The following RYR3 variants were observed in gnomAD, a reference collection of about 807,000 sequenced individuals.
The protein encoded by RYR3 is brain ryanodine receptor-calcium release channel.
Under a neutral mutation model 584.3 loss-of-function variants are expected in RYR3, and 207 were observed. The ratio of observed to expected loss-of-function variants is 0.35; its 90% CI spans 0.32 to 0.40. The LOEUF is 0.40. Among genes scored for constraint, RYR3 ranks in the 10% least tolerant of loss-of-function variants. The pLI is 1.00. For synonymous variants in RYR3, 2,416 were observed against 2,248.5 expected (o/e 1.07, Z -2.11); for missense variants, 5,616 against 6,089.2 (o/e 0.92, Z 2.59).
At chr15:33,540,518 A>G (rs1359409837) in intron 6 of RYR3, among the ~76,000 whole-genome samples, 1 of 152,164 alleles carries the variant, frequency 6.6e-6, no homozygotes, top group Non-Finnish European at 1.5e-5. Flanking sequence ...AAGAATGGAC[A>G]TTTTATGAGT....
chr15:33,628,217 T>C (rs2061091751), intron 20 of RYR3, among the ~76,000 whole-genome samples: 1 of 152,058 alleles, frequency 6.6e-6, no homozygotes, highest in Non-Finnish European at 1.5e-5. Flanking sequence ...AGTATTCACA[T>C]GTGAAGAACA....
chr15:33,791,763 A>G (rs1313105506), intron 67 of RYR3, among the ~76,000 whole-genome samples: 1 of 152,208 alleles, frequency 6.6e-6, no homozygotes, highest in African/African-American at 2.4e-5. Flanking sequence ...AAAACAGGCT[A>G]GGGAGTTAAG....
chr15:33,431,207 C>T (rs548898461), intron 1 of RYR3, among the ~76,000 whole-genome samples: 1 of 152,182 alleles, frequency 6.6e-6, no homozygotes, highest in African/African-American at 2.4e-5. Context: ...TATCTACTGC[C>T]ACGTAACAAA....
intron 19 of RYR3, among the ~76,000 whole-genome samples, chr15:33,619,030 C>G (rs1479462335): frequency 6.6e-6 from 1 of 152,186 alleles, no homozygotes; most frequent in Admixed American, 6.5e-5. Flanking sequence ...AAAATTTCCT[C>G]TACACATCCC....
At chr15:33,813,669 A>T in intron 74 of RYR3, 90 bp downstream of exon 74, 2 of 1,074,684 alleles carry the variant, frequency 1.9e-6, no homozygotes, top group South Asian at 2.7e-5. Context: ...TCTTAATCCA[A>T]GGAATAGAAA....
chr15:33,377,587 G>T (rs1027863433), intron 1 of RYR3, among the ~76,000 whole-genome samples: 3 of 152,188 alleles, frequency 2.0e-5, no homozygotes, highest in East Asian at 3.8e-4. Context: ...GATTATAGCA[G>T]AAGTGTTAAA....
chr15:33,635,383 G>T (rs940223963), intron 25 of RYR3, among the ~76,000 whole-genome samples: 24 of 152,186 alleles, frequency 1.6e-4, no homozygotes, highest in Non-Finnish European at 2.6e-4. Context: ...GGAAAACTGA[G>T]AAGTGGTCTC....
rs115052966 is a variant in RYR3, at chr15:33,777,993, C to T, written c.9138-2218C>T. Among the ~76,000 whole-genome samples, 1,019 of 151,890 alleles carry T rather than the reference C, an allele frequency of 6.7e-3. 13 individuals are homozygous for T. The highest frequency in any genetic ancestry group is 0.023 in the African/African-American group (957 of 41,416). On this transcript the variant is annotated intron_variant, in intron 64 of 103. Transcript: ENST00000634891. The stretch of plus-strand genomic sequence containing the variant: ...GAGGCCAGCCTGGCCAACATGGTGA[C>T]GCTTCGTCTCTACCAAAAATACAAA...
At position 33,555,629 on chromosome 15, in the gene RYR3, A is replaced by G. The variant is rs766531017; in HGVS notation, c.972+5313A>G. 3.4e-4 allele frequency among the ~76,000 whole-genome samples: 52 copies of G among 152,204 alleles called. 1 individual carries two copies. Among genetic ancestry groups the G allele is most frequent in the Non-Finnish European group, 6.2e-4 (42 of 68,042 alleles). ...TGTAAAAAATAGAGATTTAAAAAAA[A>G]GTATGTCTTGAATGATAGCTGTGAA... On this transcript the variant is annotated intron_variant, in intron 10 of 103. Transcript: ENST00000634891.
intron 1 of RYR3, among the ~76,000 whole-genome samples, chr15:33,421,321 A>G (rs1186916599): frequency 3.9e-5 from 6 of 152,234 alleles, no homozygotes; most frequent in Non-Finnish European, 7.3e-5. Flanking sequence ...GTCTGAGCCT[A>G]GAGGTAGGTT....
Position 33,772,170 on chromosome 15 carries a change from T to C in RYR3, c.9055+12T>C, listed in dbSNP as rs1442873136. On this transcript the variant is annotated intron_variant, in intron 63 of 103. Coordinates refer to ENST00000634891, the MANE Select transcript of RYR3 (RefSeq NM_001036.6). ...AATGGATCTACTCTGTGAGTTCTAC[T>C]GGTATTTGTCGTGGATGTATGTGCA... The C allele has an allele frequency of 1.9e-6, 3 of 1,568,654 alleles. No individual in the cohort carries two copies. The highest frequency in any genetic ancestry group is 4.5e-5 in the East Asian group (2 of 44,540).
At chr15:33,604,809 T>C (rs2059831157) in intron 18 of RYR3, among the ~76,000 whole-genome samples, 4 of 152,224 alleles carry the variant, frequency 2.6e-5, no homozygotes, top group Admixed American at 2.6e-4. Flanking sequence ...TCATCAGATA[T>C]CATAAGGTTC....
At chr15:33,830,778 G>T in intron 85 of RYR3, 185 bp from the exon 86 acceptor site, 1 of 504,194 alleles carries the variant, frequency 2.0e-6, no homozygotes, top group Non-Finnish European at 3.4e-6. Context: ...TTCCTCTGCA[G>T]GGATATTTGT....
At chr15:33,812,284 G>T (rs564215750) in intron 72 of RYR3, among the ~76,000 whole-genome samples, 242 of 151,520 alleles carry the variant, frequency 1.6e-3, no homozygotes, top group Middle Eastern at 3.4e-3. Flanking sequence ...ATTTTTTTTT[G>T]ATTACAAAGC....
intron 38 of RYR3, among the ~76,000 whole-genome samples, chr15:33,685,682 A>G (rs1401895037): frequency 6.6e-6 from 1 of 152,222 alleles, no homozygotes; most frequent in African/African-American, 2.4e-5. Flanking sequence ...AAGTGACCAC[A>G]TAATTGGAAA....
intron 42 of RYR3, among the ~76,000 whole-genome samples, chr15:33,701,728 C>T (rs1046988827): frequency 4.0e-5 from 6 of 151,872 alleles, no homozygotes; most frequent in East Asian, 1.9e-4. Context: ...TGGGAGCACA[C>T]GGAAAAGGGC....
In RYR3 at chr15:33,651,552, A is replaced by C. The variant is rs1452369527; in HGVS notation, c.4143-1166A>C. On this transcript the variant is annotated intron_variant, in intron 31 of 103. Transcript: ENST00000634891. The stretch of plus-strand genomic sequence containing the variant: ...CTTCTAGAGGCAGAAGGAACCTCGG[A>C]GAATCCTAATTGAACCTTTGGTTTT... 2.6e-5 allele frequency among the ~76,000 whole-genome samples: 4 copies of C among 152,236 alleles called. No homozygotes were observed. The East Asian group carries it at 7.7e-4, about 29-fold the overall frequency.
At chr15:33,349,250 C>A (rs944239758) in intron 1 of RYR3, among the ~76,000 whole-genome samples, 1 of 151,830 alleles carries the variant, frequency 6.6e-6, no homozygotes, top group African/African-American at 2.4e-5. Flanking sequence ...GATTCACATA[C>A]ACGTTTTGTG....
intron 1 of RYR3, among the ~76,000 whole-genome samples, chr15:33,389,049 G>A (rs1405262786): frequency 7.1e-6 from 1 of 140,210 alleles, no homozygotes; most frequent in Non-Finnish European, 1.5e-5. Flanking sequence ...GACACAGGAA[G>A]GGGAACATCA....
Sources: gnomAD v4.1 joint callset for allele counts (sites outside exome capture counted in the v4.1 genomes callset) on GRCh38, gnomAD v4.1.1 for gene constraint, MANE v1.5 for transcripts, NCBI Gene and HGNC (gene_info 2026-07-23, HGNC 2026-07-21) for gene names.